The following ROBO2 variants were observed in gnomAD, a reference collection of about 807,000 sequenced individuals.
ROBO2 encodes the protein roundabout guidance receptor 2.
Under a neutral mutation model 160.8 loss-of-function variants are expected in ROBO2, and 53 were observed. The observed-to-expected ratio is 0.33, with a 90% CI of 0.26 to 0.41. ROBO2 has a LOEUF of 0.41. ROBO2 is among the 10% of genes least tolerant of loss of function. ROBO2 has a pLI of 1.00. For missense variants in ROBO2, 1,577 were observed against 1,722.4 expected (o/e 0.92, Z 1.49); for synonymous variants, 664 against 611.7 (o/e 1.09, Z -1.26).
At chr3:76,390,775 T>G (rs952958942) in intron 2 of ROBO2, among the ~76,000 whole-genome samples, 4 of 152,310 alleles carry the variant, frequency 2.6e-5, no homozygotes, top group Admixed American at 2.0e-4. Context: ...GTCTTGCCCC[T>G]CCTTGTGTTT....
intron 5 of ROBO2, among the ~76,000 whole-genome samples, chr3:77,513,423 T>C (rs1020724082): frequency 1.3e-4 from 20 of 151,892 alleles, no homozygotes; most frequent in African/African-American, 4.8e-4. Context: ...ATAGGAAATC[T>C]TTCCACTAGG....
intron 2 of ROBO2, among the ~76,000 whole-genome samples, chr3:77,335,534 TA>T (rs1334592980): frequency 4.6e-5 from 7 of 152,216 alleles, no homozygotes; most frequent in African/African-American, 1.7e-4. Context: ...TGCCAAAATG[TA>T]AATATTTTCC....
chr3:77,335,104 T>C (rs2066356501), intron 2 of ROBO2, among the ~76,000 whole-genome samples: 1 of 152,100 alleles, frequency 6.6e-6, no homozygotes, highest in Non-Finnish European at 1.5e-5. Context: ...CAGATCAGAC[T>C]TTACACCTGG....
chr3:76,326,281 G>T (rs2073008120), intron 2 of ROBO2, among the ~76,000 whole-genome samples: 1 of 152,074 alleles, frequency 6.6e-6, no homozygotes, highest in Admixed American at 6.6e-5. Flanking sequence ...GAATAAAAAT[G>T]ACTATAACTC....
chr3:76,325,725 A>C (rs138195980), intron 2 of ROBO2, among the ~76,000 whole-genome samples: 1,925 of 152,162 alleles, frequency 0.013, 22 homozygotes, highest in Middle Eastern at 0.027. Context: ...TTAAAAAAAA[A>C]AACAACAACC....
chr3:77,142,265 AT>A (rs1459173787), intron 2 of ROBO2, among the ~76,000 whole-genome samples: 2 of 152,220 alleles, frequency 1.3e-5, no homozygotes, highest in Non-Finnish European at 2.9e-5. Flanking sequence ...TGTCCTTAAT[AT>A]TCTTCTGTAT....
chr3:76,304,096 T>C lies in ROBO2; in HGVS notation c.109+366494T>C, dbSNP rs533707947. On this transcript the variant is annotated intron_variant, in intron 2 of 26. Coordinates refer to the ROBO2 transcript ENST00000487694. Reference sequence around the variant, plus strand: ...AGCCACATTGTAATTGAAGTATTTATACATTATGCATTTGACCTGGTACTT... The same window carrying C: ...AGCCACATTGTAATTGAAGTATTTACACATTATGCATTTGACCTGGTACTT... Among the ~76,000 whole-genome samples the C allele has an allele frequency of 1.1e-4, 16 of 152,362 alleles. No homozygotes were observed. The South Asian group carries it at 1.4e-3, about 14-fold the overall frequency.
chr3:77,252,365 A>G (rs2153303501), intron 2 of ROBO2, among the ~76,000 whole-genome samples: 1 of 152,290 alleles, frequency 6.6e-6, no homozygotes, highest in African/African-American at 2.4e-5. Flanking sequence ...TTATCTTCTT[A>G]TGAGAAGAGA....
chr3:76,536,657 A>G lies in ROBO2; in HGVS notation c.110-561357A>G, dbSNP rs146823783. ...GGGAACTGCCCTGGTGCCTTCTTGA[A>G]GGTCTGGCTCATGACGCTGGCAGGT... On this transcript the variant is annotated intron_variant, in intron 2 of 26. Transcript: ENST00000487694. 5.1e-3 allele frequency among the ~76,000 whole-genome samples: 772 copies of G among 152,162 alleles called. 9 individuals carry two copies. The highest frequency in any genetic ancestry group is 0.018 in the African/African-American group (754 of 41,484).
chr3:76,763,384 A>T (rs142318297), intron 2 of ROBO2, among the ~76,000 whole-genome samples: 174 of 151,866 alleles, frequency 1.1e-3, no homozygotes, highest in South Asian at 2.7e-3. Flanking sequence ...AACGGCTACC[A>T]TGTGCCAGCC....
At chr3:77,039,632 C>T (rs1228537933), upstream of ROBO2, among the ~76,000 whole-genome samples, 2 of 152,104 alleles carry the variant, frequency 1.3e-5, no homozygotes, top group Non-Finnish European at 2.9e-5. Context: ...CGAATTTGTT[C>T]ATCTCCGTCC....
chr3:76,234,490 G>T (rs528584360), intron 2 of ROBO2, among the ~76,000 whole-genome samples: 2 of 152,070 alleles, frequency 1.3e-5, no homozygotes, highest in African/African-American at 2.4e-5. Context: ...AACCTAACAG[G>T]TTTTCACCAG....
chr3:76,615,693 T>A (rs2088527518), intron 2 of ROBO2, among the ~76,000 whole-genome samples: 1 of 152,252 alleles, frequency 6.6e-6, no homozygotes, highest in Non-Finnish European at 1.5e-5. Context: ...ACCTTGTTAA[T>A]GCCTTTATAC....
At chr3:76,155,459 C>T (rs1313486388) in intron 2 of ROBO2, among the ~76,000 whole-genome samples, 2 of 152,030 alleles carry the variant, frequency 1.3e-5, no homozygotes, top group South Asian at 2.1e-4. Flanking sequence ...ACAAAGTTTA[C>T]AATGGGGAAA....
chr3:77,027,687 G>A (rs537286544), intron 2 of ROBO2, among the ~76,000 whole-genome samples: 10 of 152,160 alleles, frequency 6.6e-5, no homozygotes, highest in African/African-American at 1.7e-4. Context: ...GCCAGCTGTC[G>A]GACCGTGGAG....
intron 2 of ROBO2, among the ~76,000 whole-genome samples, chr3:77,337,551 C>G (rs1451619481): frequency 2.0e-5 from 3 of 152,178 alleles, no homozygotes; most frequent in Non-Finnish European, 2.9e-5. Flanking sequence ...AATACTATAA[C>G]AACAAAACAT....
At chr3:77,151,968 T>G (rs115872537) in intron 2 of ROBO2, among the ~76,000 whole-genome samples, 1,540 of 152,320 alleles carry the variant, frequency 0.01, 26 homozygotes, top group African/African-American at 0.034. Context: ...GTACACACTT[T>G]CTACTACTGT....
At chr3:76,294,974 A>T (rs570432758) in intron 2 of ROBO2, among the ~76,000 whole-genome samples, 119 of 152,262 alleles carry the variant, frequency 7.8e-4, no homozygotes, top group African/African-American at 2.7e-3. Context: ...TCTCTGGCTG[A>T]GGGTCAGAAG....
chr3:76,093,037 G>T (rs1009719341), intron 2 of ROBO2, among the ~76,000 whole-genome samples: 1 of 152,054 alleles, frequency 6.6e-6, no homozygotes, highest in Non-Finnish European at 1.5e-5. Flanking sequence ...GTAAAACGTG[G>T]TTGATTATGT....
Sources: gnomAD v4.1 joint callset for allele counts (sites outside exome capture counted in the v4.1 genomes callset) on GRCh38, gnomAD v4.1.1 for gene constraint, MANE v1.5 for transcripts, NCBI Gene and HGNC (gene_info 2026-07-23, HGNC 2026-07-21) for gene names.